PPAT: variants seen among roughly 807,000 people sequenced by gnomAD.
PPAT encodes amidophosphoribosyltransferase.
Under a neutral mutation model 60.2 loss-of-function variants are expected in PPAT, and 20 were observed. The observed-to-expected ratio is 0.33, with a 90% confidence interval of 0.23 to 0.48. The LOEUF (loss-of-function observed/expected upper bound fraction) is 0.48. Ranked by LOEUF, PPAT falls within the 20% of genes least tolerant of loss-of-function variation. The probability of loss-of-function intolerance (pLI) is 0.99; values close to 1 mark genes in which losing one functional copy is unlikely to be tolerated. For synonymous variants in PPAT, 194 were observed against 215.1 expected, an observed-to-expected ratio of 0.90 and a Z score of 0.86; for missense variants, 349 against 629.6, an observed-to-expected ratio of 0.55 and a Z score of 4.77.
At chr4:56,402,906 C>T in intron 5 of PPAT, 134 bp downstream of exon 5, 1 of 520,088 alleles carries the variant, frequency 1.9e-6, no homozygotes, top group Non-Finnish European at 2.9e-6. Context: ...AGGAAGAATA[C>T]ATTTATTTTT....
chr4:56,417,426 T>C (rs1457835406), intron 1 of PPAT, among the ~76,000 whole-genome samples: 1 of 152,176 alleles, frequency 6.6e-6, no homozygotes, highest in East Asian at 1.9e-4. Flanking sequence ...TGTAATATCA[T>C]TTGTATGATA....
chr4:56,395,698 A>G, intron 10 of PPAT, 150 bp from the exon 11 acceptor site: 1 of 589,748 alleles, frequency 1.7e-6, no homozygotes, highest in African/African-American at 1.9e-5. Flanking sequence ...AGGAAAAAAA[A>G]TCAATAAAAC....
intron 4 of PPAT, 34 bp downstream of exon 4, chr4:56,403,255 T>C: frequency 6.3e-7 from 1 of 1,598,400 alleles, no homozygotes; most frequent in South Asian, 1.1e-5. Flanking sequence ...CTCTCCTTAC[T>C]AGAGCTCTAA....
intron 9 of PPAT, among the ~76,000 whole-genome samples, chr4:56,397,244 A>G (rs974850184): frequency 3.9e-5 from 6 of 152,222 alleles, no homozygotes; most frequent in Non-Finnish European, 7.3e-5. Context: ...TCACACTGAT[A>G]TATCAATTTA....
At chr4:56,400,112 T>G (rs754472504) in intron 8 of PPAT, 1 of 152,264 alleles carries the variant, frequency 6.6e-6, no homozygotes, top group Non-Finnish European at 1.5e-5. Context: ...TACATGAGTC[T>G]ACTTATAGGT....
intron 1 of PPAT, among the ~76,000 whole-genome samples, chr4:56,414,062 G>A (rs1306539317): frequency 6.6e-6 from 1 of 152,028 alleles, no homozygotes. Context: ...ATGTCAATTG[G>A]GGTCTTAGAA....
At chr4:56,400,251 A>C (rs555934627) in intron 8 of PPAT, 4 of 152,468 alleles carry the variant, frequency 2.6e-5, no homozygotes, top group African/African-American at 9.6e-5. Flanking sequence ...CTTTCACATA[A>C]GGAATAGTAA....
chr4:56,411,989 T>G (rs1382137173), intron 1 of PPAT, among the ~76,000 whole-genome samples: 1 of 152,204 alleles, frequency 6.6e-6, no homozygotes, highest in Non-Finnish European at 1.5e-5. Context: ...ATTACCATAT[T>G]AAACAGCAAT....
rs3036919 is a variant in PPAT at position 56,427,642 on chromosome 4, T to TAA, written c.128+7706_128+7707dup. On this transcript the variant is annotated intron_variant, in intron 1 of 10. Transcript: ENST00000264220. ...GGCAACATAGTGAGACCCTGTCTCT[T>TAA]AAAAAAAAAAAAAAAAAATTCATAA... Among the ~76,000 whole-genome samples the TAA allele has an allele frequency of 5.9e-3, 825 of 140,518 alleles. 4 individuals carry two copies. Among genetic ancestry groups the TAA allele is most frequent in the Middle Eastern group, 0.018 (5 of 272 alleles). 92.2% of individuals were successfully genotyped at this position (140,518 alleles called of 152,430 possible).
In PPAT at chr4:56,403,189, G is replaced by A. The variant is rs1303269705; in HGVS notation, c.516-4C>T. Reference sequence around the variant, plus strand: ...TTCCTTCATCAAGTTTTTAATCCTGGAATTAATTAAATAATTGAATGAATA... The same window carrying A: ...TTCCTTCATCAAGTTTTTAATCCTGAAATTAATTAAATAATTGAATGAATA... On this transcript the variant is annotated splice_polypyrimidine_tract_variant and splice_region_variant and intron_variant, in intron 4 of 10. Coordinates refer to ENST00000264220, the MANE Select transcript of PPAT (RefSeq NM_002703.5). 1 of 1,583,726 alleles carries A rather than the reference G, an allele frequency of 6.3e-7. No homozygotes were observed. Among genetic ancestry groups the A allele is most frequent in the Non-Finnish European group, 8.6e-7 (1 of 1,161,924 alleles).
At chr4:56,402,848 A>AAAAAAAAAAAAAG (rs1560638308) in intron 5 of PPAT, among the ~76,000 whole-genome samples, 192 bp downstream of exon 5, 2 of 76,124 alleles carry the variant, frequency 2.6e-5, no homozygotes, top group African/African-American at 1.1e-4. Flanking sequence ...AAAAAAAAAA[A>AAAAAAAAAAAAAG]GGGGGGGGAC....
intron 1 of PPAT, chr4:56,420,689 T>C (rs1716996114): frequency 6.6e-6 from 1 of 152,162 alleles, no homozygotes; most frequent in Admixed American, 6.6e-5. Context: ...TTCATACTAA[T>C]TGTGGTAAAA....
At chr4:56,400,474 C>G (rs961531786) in intron 8 of PPAT, 1 of 192,322 alleles carries the variant, frequency 5.2e-6, no homozygotes, top group Non-Finnish European at 1.1e-5. Context: ...GGGTTGGCAC[C>G]TTTAACTCCC....
At chr4:56,411,867 T>C (rs925514329) in intron 1 of PPAT, among the ~76,000 whole-genome samples, 6 of 152,168 alleles carry the variant, frequency 3.9e-5, no homozygotes, top group African/African-American at 1.4e-4. Flanking sequence ...AAGTTAGCTA[T>C]TTTTCATGTT....
chr4:56,413,186 G>C (rs866264168), intron 1 of PPAT, among the ~76,000 whole-genome samples: 1 of 152,112 alleles, frequency 6.6e-6, no homozygotes, highest in Non-Finnish European at 1.5e-5. Flanking sequence ...TTAAGACAGA[G>C]TCTCACTCTG....
chr4:56,400,748 A>AT (rs756248296), intron 8 of PPAT, 36 bp downstream of exon 8: 1 of 1,575,916 alleles, frequency 6.3e-7, no homozygotes, highest in Admixed American at 1.7e-5. Context: ...CACAGCTGGG[A>AT]GAGCAATTCA....
rs1256086729 is a variant in PPAT at position 56,396,752 on chromosome 4, T to A, written c.1237-13A>T. ...CTCGAATGTGTACCTTGGAAAGAAA[T>A]CATTGCACACAAGGTTTTTAAGACT... is the stretch of plus-strand genomic sequence containing the variant. On this transcript the variant is annotated splice_polypyrimidine_tract_variant and intron_variant, in intron 9 of 10. Transcript: ENST00000264220. This position sits in a 1 kb window ranked among gnomAD's most constrained non-coding sequence, Gnocchi z 4.6. 1 of 1,604,466 alleles carries A rather than the reference T, an allele frequency of 6.2e-7. No individual in the cohort carries two copies. Among genetic ancestry groups the A allele is most frequent in the African/African-American group, 1.3e-5 (1 of 74,312 alleles).
intron 3 of PPAT, among the ~76,000 whole-genome samples, chr4:56,404,942 C>T (rs756634504): frequency 6.6e-6 from 1 of 151,984 alleles, no homozygotes; most frequent in Non-Finnish European, 1.5e-5. Context: ...ATGGGGTGTG[C>T]ATGTAACCAT....
intron 1 of PPAT, among the ~76,000 whole-genome samples, chr4:56,413,050 T>G (rs948438372): frequency 1.3e-5 from 2 of 152,150 alleles, no homozygotes; most frequent in African/African-American, 4.8e-5. Context: ...ATTAATACCT[T>G]TTGTCCATTT....
Sources: gnomAD v4.1 joint callset for allele counts (sites outside exome capture counted in the v4.1 genomes callset) on GRCh38, gnomAD v4.1.1 for gene constraint, Gnocchi (gnomAD v3.1) non-coding constraint, MANE v1.5 for transcripts, NCBI Gene and HGNC (gene_info 2026-07-23, HGNC 2026-07-21) for gene names.